The following DCAF6 variants were observed in gnomAD, a reference collection of about 807,000 sequenced individuals.
The protein encoded by DCAF6 is DDB1- and CUL4-associated factor 6.
A neutral mutation model predicts 125.1 loss-of-function variants in DCAF6; 54 were observed. The ratio of observed to expected loss-of-function variants is 0.43; its 90% CI spans 0.35 to 0.54. The LOEUF (loss-of-function observed/expected upper bound fraction) is 0.54, where lower values mean the gene tolerates loss of function less well. DCAF6 is among the 20% of genes least tolerant of loss of function. The pLI is 0.01. For missense variants in DCAF6, 934 were observed against 1,161.7 expected (o/e 0.80, Z 2.85); for synonymous variants, 371 against 390.4 (o/e 0.95, Z 0.58).
the DCAF6 span, among the ~76,000 whole-genome samples, chr1:167,897,149 G>A: frequency 2.0e-5 from 3 of 150,444 alleles, no homozygotes; most frequent in African/African-American, 2.5e-5. Flanking sequence ...AGGATGGCAC[G>A]ATCTCATTTT....
the DCAF6 span, chr1:167,904,084 T>C: frequency 8.8e-5 from 14 of 159,850 alleles, no homozygotes; most frequent in African/African-American, 4.8e-4. Context: ...GGCCTCAGCT[T>C]TTTTTTTTTT....
At position 168,050,950 on chromosome 1, in the gene DCAF6, CT is replaced by C; in HGVS notation, c.2300+19del. 7.5e-7 allele frequency: 1 copy of C among 1,341,210 alleles called. No individual in the cohort carries two copies. The highest frequency in any genetic ancestry group is 9.8e-7 in the Non-Finnish European group (1 of 1,017,614). The allele number at this position is 1,341,210 out of a possible 1,614,324, so 83.1% of individuals were successfully genotyped here. ...AATAATGAGGTAATTCAGTATGTTC[CT>C]TCATAATTTTTTTTTTATGATGGAT... On this transcript the variant is annotated intron_variant, in intron 17 of 21. Transcript: ENST00000367840.
intron 10 of DCAF6, among the ~76,000 whole-genome samples, chr1:168,008,347 T>C (rs887512286): frequency 2.0e-5 from 3 of 152,184 alleles, no homozygotes; most frequent in Non-Finnish European, 4.4e-5. Context: ...CGTAATTGGC[T>C]CCTTCTTGGT....
intron 5 of DCAF6, among the ~76,000 whole-genome samples, 176 bp downstream of exon 5, chr1:167,987,784 A>G (rs1448992900): frequency 6.6e-6 from 1 of 152,178 alleles, no homozygotes; most frequent in Non-Finnish European, 1.5e-5. Flanking sequence ...CATATAGTTT[A>G]TAATCAGAAA....
At chr1:167,909,428 A>G in the DCAF6 span, among the ~76,000 whole-genome samples, 1 of 152,204 alleles carries the variant, frequency 6.6e-6, no homozygotes. Flanking sequence ...TAGGGTATAC[A>G]CATGTTAAAC....
the DCAF6 span, among the ~76,000 whole-genome samples, chr1:167,878,838 G>A: frequency 6.6e-6 from 1 of 152,202 alleles, no homozygotes; most frequent in South Asian, 2.1e-4. Context: ...CATTAGCAAA[G>A]TTTCTGCCTC....
the DCAF6 span, among the ~76,000 whole-genome samples, chr1:167,900,189 A>G: frequency 6.6e-6 from 1 of 152,254 alleles, no homozygotes; most frequent in Non-Finnish European, 1.5e-5. Flanking sequence ...CACAAAATAT[A>G]TGTATAAATG....
At chr1:168,009,547 CTTTCTCCTT>C (rs935193782) in intron 10 of DCAF6, among the ~76,000 whole-genome samples, 12 of 146,420 alleles carry the variant, frequency 8.2e-5, no homozygotes, top group African/African-American at 2.7e-4. Flanking sequence ...TCCTTCTCCT[CTTTCTCCTT>C]TTTCTCCTTT....
chr1:167,882,777 G>A, the DCAF6 span, among the ~76,000 whole-genome samples: 2 of 152,276 alleles, frequency 1.3e-5, no homozygotes, highest in Admixed American at 1.3e-4. Flanking sequence ...GCCTGGGTTT[G>A]AATCCCAGCC....
At chr1:167,919,083 G>C in the DCAF6 span, among the ~76,000 whole-genome samples, 1 of 152,146 alleles carries the variant, frequency 6.6e-6, no homozygotes, top group African/African-American at 2.4e-5. Flanking sequence ...CTAAGAATAA[G>C]ATCAACAGGT....
chr1:168,027,626 T>C (rs1686510744), intron 12 of DCAF6, among the ~76,000 whole-genome samples: 1 of 152,148 alleles, frequency 6.6e-6, no homozygotes, highest in Non-Finnish European at 1.5e-5. Context: ...AATCATTTTA[T>C]ATGTTGTTTA....
At chr1:167,928,893 A>G in the DCAF6 span, among the ~76,000 whole-genome samples, 1 of 152,246 alleles carries the variant, frequency 6.6e-6, no homozygotes, top group Non-Finnish European at 1.5e-5. Flanking sequence ...TCCTCATAAG[A>G]CATTAATTTA....
At chr1:168,068,994 TC>T (rs1279548055) in intron 21 of DCAF6, among the ~76,000 whole-genome samples, 2 of 152,196 alleles carry the variant, frequency 1.3e-5, no homozygotes, top group African/African-American at 4.8e-5. Flanking sequence ...AATATATTTA[TC>T]AAACAAAAGA....
At chr1:167,941,899 A>G (rs941781021) in intron 1 of DCAF6, among the ~76,000 whole-genome samples, 1 of 152,180 alleles carries the variant, frequency 6.6e-6, no homozygotes, top group African/African-American at 2.4e-5. Context: ...TTTATAAAAA[A>G]CTTCCAGACT....
intron 11 of DCAF6, among the ~76,000 whole-genome samples, chr1:168,016,893 A>G (rs1260252902): frequency 6.6e-6 from 1 of 152,008 alleles, no homozygotes; most frequent in African/African-American, 2.4e-5. Flanking sequence ...GGGCTTTGAG[A>G]GTTCTAATTT....
At chr1:168,052,525 C>T (rs1043396793) in intron 17 of DCAF6, among the ~76,000 whole-genome samples, 3 of 152,164 alleles carry the variant, frequency 2.0e-5, no homozygotes, top group African/African-American at 7.2e-5. Context: ...GCAGTATTTT[C>T]CTGCCAGTGA....
intron 12 of DCAF6, among the ~76,000 whole-genome samples, chr1:168,029,336 A>G (rs1686752758): frequency 1.3e-5 from 2 of 152,364 alleles, no homozygotes; most frequent in South Asian, 4.1e-4. Context: ...ACTCCAAGAA[A>G]TATGTAAAGA....
intron 16 of DCAF6, 111 bp from the exon 17 acceptor site, chr1:168,050,781 T>G: frequency 1.8e-6 from 1 of 559,064 alleles, no homozygotes; most frequent in Non-Finnish European, 2.8e-6. Flanking sequence ...AAACAAAAGT[T>G]TTTTTTTAAA....
At chr1:168,066,747 A>T (rs1461805219) in intron 20 of DCAF6, among the ~76,000 whole-genome samples, 1 of 152,192 alleles carries the variant, frequency 6.6e-6, no homozygotes, top group African/African-American at 2.4e-5. Flanking sequence ...ATGTTATTAC[A>T]ATAAAGAATC....
Sources: gnomAD v4.1 joint callset for allele counts (sites outside exome capture counted in the v4.1 genomes callset) on GRCh38, gnomAD v4.1.1 for gene constraint, MANE v1.5 for transcripts, NCBI Gene and HGNC (gene_info 2026-07-23, HGNC 2026-07-21) for gene names.